PIEZO2: variants seen among roughly 807,000 people sequenced by gnomAD.
The protein encoded by PIEZO2 is piezo type mechanosensitive ion channel component 2.
Under a neutral mutation model 337.3 loss-of-function variants are expected in PIEZO2, and 172 were observed. The observed-to-expected ratio is 0.51, with a 90% CI of 0.45 to 0.58. PIEZO2 has a LOEUF of 0.58. Ranked by LOEUF, PIEZO2 falls within the 20% of genes least tolerant of loss-of-function variation. The probability of loss-of-function intolerance (pLI) is 0.00; values close to 1 mark genes in which losing one functional copy is unlikely to be tolerated. For missense variants in PIEZO2, 3,028 were observed against 3,391.3 expected (o/e 0.89, Z 2.66); for synonymous variants, 1,251 against 1,228.5 (o/e 1.02, Z -0.38).
At chr18:11,085,160 CA>C (rs1359921698) in intron 1 of PIEZO2, among the ~76,000 whole-genome samples, 1 of 152,138 alleles carries the variant, frequency 6.6e-6, no homozygotes, top group African/African-American at 2.4e-5. Context: ...TATTTTGCCC[CA>C]AGTATTATCG....
intron 7 of PIEZO2, among the ~76,000 whole-genome samples, chr18:10,825,520 CTT>C (rs57046007): frequency 0.3 from 42,221 of 138,720 alleles, 6,421 homozygotes; most frequent in Middle Eastern, 0.36. Flanking sequence ...AGAAGTTGCT[CTT>C]TTTTTTTCCA....
chr18:10,742,758 C>T (rs2037273776), intron 31 of PIEZO2, 143 bp from the exon 32 acceptor site: 2 of 828,896 alleles, frequency 2.4e-6, no homozygotes, highest in African/African-American at 1.7e-5. Context: ...AAAATGGTTG[C>T]TCATTAGCAA....
intron 4 of PIEZO2, among the ~76,000 whole-genome samples, chr18:10,898,015 C>T (rs62085196): frequency 1.6e-4 from 24 of 152,278 alleles, no homozygotes; most frequent in Non-Finnish European, 2.4e-4. Flanking sequence ...ACATAAAATC[C>T]TGGCTTACAA....
Position 11,033,189 on chromosome 18 carries a change from C to G in PIEZO2, c.160+32938G>C, listed in dbSNP as rs936269026. On this transcript the variant is annotated intron_variant, in intron 2 of 55. Coordinates refer to ENST00000674853, the MANE Select transcript of PIEZO2 (RefSeq NM_001378183.1). The surrounding 1 kb of genome is among the most constrained non-coding windows in gnomAD (Gnocchi z 4.2). ...ACAACACACATGTGGGCACTGTTCT[C>G]TCCTTCATTTCACACATGAGGGGAC... is the stretch of plus-strand genomic sequence containing the variant. 6.6e-6 allele frequency among the ~76,000 whole-genome samples: 1 copy of G among 152,228 alleles called. No homozygotes were observed. The highest frequency in any genetic ancestry group is 1.5e-5 in the Non-Finnish European group (1 of 68,040).
chr18:10,875,924 T>C (rs1044975150), intron 4 of PIEZO2, among the ~76,000 whole-genome samples: 8 of 152,362 alleles, frequency 5.3e-5, no homozygotes, highest in African/African-American at 1.9e-4. Context: ...GAATCCAGAA[T>C]TGGGCTGCGA....
At chr18:11,089,691 CAG>C (rs944647861) in intron 1 of PIEZO2, among the ~76,000 whole-genome samples, 30 of 152,154 alleles carry the variant, frequency 2.0e-4, no homozygotes, top group Admixed American at 1.8e-3. Context: ...TGTTGACAGA[CAG>C]AGTGTCCATC....
Position 10,713,607 on chromosome 18 carries a change from T to G in PIEZO2, c.5423+1157A>C, listed in dbSNP as rs2035902209. 1.3e-5 allele frequency among the ~76,000 whole-genome samples: 2 copies of G among 152,138 alleles called. No homozygotes were observed. Among genetic ancestry groups the G allele is most frequent in the Non-Finnish European group, 1.5e-5 (1 of 68,012 alleles). On this transcript the variant is annotated intron_variant, in intron 39 of 55. Coordinates refer to ENST00000674853, the MANE Select transcript of PIEZO2 (RefSeq NM_001378183.1). The surrounding 1 kb of genome is among the most constrained non-coding windows in gnomAD (Gnocchi z 4.5). The stretch of plus-strand genomic sequence containing the variant: ...CTACTGTCCTCCCCAGGGCAAGCAT[T>G]TTAGGAGGGAATGGCCTTATCTCAG...
At chr18:10,751,372 C>T (rs1393875380) in intron 28 of PIEZO2, among the ~76,000 whole-genome samples, 1 of 152,192 alleles carries the variant, frequency 6.6e-6, no homozygotes, top group Non-Finnish European at 1.5e-5. Flanking sequence ...ATCAGACTGG[C>T]TTTAGAATGA....
Position 10,705,681 on chromosome 18 carries a change from T to C in PIEZO2, c.5654A>G (p.Glu1885Gly), listed in dbSNP as rs1223918970. 1 of 1,536,488 alleles carries C rather than the reference T, an allele frequency of 6.5e-7. No homozygotes were observed. ...CCCTGCCTCCTCCTCCTGCTCAGCC[T>C]CCACCTCCTCGATGGTCTCAGTGGT... ...QGTTETIEEV[E>G]AEQEEEAGST... The change falls in exon 41 of 56, where the codon GAG becomes GGG. Residue 1885 changes from glutamate (E) to glycine (G), a missense_variant. Around this residue, in one of 5 missense-constraint regions of PIEZO2, gnomAD observed 1,925 missense variants for 2,051.9 expected, o/e 0.94. Transcript: ENST00000674853.
At chr18:10,790,407 T>C (rs899346133) in intron 14 of PIEZO2, among the ~76,000 whole-genome samples, 3 of 152,176 alleles carry the variant, frequency 2.0e-5, no homozygotes, top group Admixed American at 6.6e-5. Context: ...CTTCAATCCA[T>C]TCTACAAATA....
At chr18:10,804,905 A>C (rs1263996352) in intron 8 of PIEZO2, among the ~76,000 whole-genome samples, 1 of 152,178 alleles carries the variant, frequency 6.6e-6, no homozygotes, top group Non-Finnish European at 1.5e-5. Context: ...AATAGAGCCC[A>C]CATGAAATGT....
At position 11,078,603 on chromosome 18, in the gene PIEZO2, G is replaced by C. The variant is rs1357385952; in HGVS notation, c.65-12381C>G. Among the ~76,000 whole-genome samples, 4 of 152,166 alleles carry C rather than the reference G, an allele frequency of 2.6e-5. No individual in the cohort carries two copies. The highest frequency in any genetic ancestry group is 9.7e-5 in the African/African-American group (4 of 41,434). On this transcript the variant is annotated intron_variant, in intron 1 of 55. Transcript: ENST00000674853. The surrounding 1 kb of genome is among the most constrained non-coding windows in gnomAD (Gnocchi z 5.3). ...TTGCTTTCAAATATTTCTGTTGCTA[G>C]AGAAGTAGACACACCTTTTATGGCA...
chr18:10,711,693 A>G (rs966223742), intron 39 of PIEZO2, among the ~76,000 whole-genome samples: 1 of 152,238 alleles, frequency 6.6e-6, no homozygotes, highest in Admixed American at 6.5e-5. Context: ...TACAAATCAC[A>G]TGATGGGGCA....
chr18:11,085,068 T>C (rs965944580), intron 1 of PIEZO2, among the ~76,000 whole-genome samples: 1 of 152,226 alleles, frequency 6.6e-6, no homozygotes, highest in Non-Finnish European at 1.5e-5. Flanking sequence ...CATGAATATA[T>C]TTGTTTCGTT....
chr18:10,705,275 G>A, intron 41 of PIEZO2, 61 bp downstream of exon 41: 9 of 1,444,260 alleles, frequency 6.2e-6, no homozygotes, highest in Non-Finnish European at 8.2e-6. Context: ...TACAGAATTA[G>A]GGCATTATGT....
At chr18:10,691,782 C>CACACATATATATATATATATATATAT in intron 47 of PIEZO2, among the ~76,000 whole-genome samples, 3 of 96,600 alleles carry the variant, frequency 3.1e-5, no homozygotes, top group African/African-American at 1.4e-4. Flanking sequence ...CACACACACA[C>CACACATATATATATATATATATATAT]ATATATATAT....
At position 11,002,812 on chromosome 18, in the gene PIEZO2, T is replaced by G. The variant is rs1208672077; in HGVS notation, c.161-23152A>C. On this transcript the variant is annotated intron_variant, in intron 2 of 55. Coordinates refer to ENST00000674853, the MANE Select transcript of PIEZO2 (RefSeq NM_001378183.1). This position sits in a 1 kb window ranked among gnomAD's most constrained non-coding sequence, Gnocchi z 4.3. ...AGCAGGCCACATTGGATAATCCAAT[T>G]TCAAGCACCCCAATAAAATGGCTTT... 6.6e-6 allele frequency among the ~76,000 whole-genome samples: 1 copy of G among 152,158 alleles called. No individual in the cohort carries two copies. Among genetic ancestry groups the G allele is most frequent in the Non-Finnish European group, 1.5e-5 (1 of 68,026 alleles).
intron 2 of PIEZO2, among the ~76,000 whole-genome samples, chr18:11,013,583 C>T (rs2035980382): frequency 6.6e-6 from 1 of 152,204 alleles, no homozygotes; most frequent in Admixed American, 6.5e-5. Flanking sequence ...ATACCAGAAA[C>T]ACATAAATTT....
intron 18 of PIEZO2, 126 bp from the exon 19 acceptor site, chr18:10,774,164 GTAACGCCC>G: frequency 4.6e-6 from 3 of 656,310 alleles, no homozygotes; most frequent in Non-Finnish European, 8.2e-6. Context: ...GCCTGTTGCA[GTAACGCCC>G]TAATGCCAAA....
Sources: gnomAD v4.1 joint callset for allele counts (sites outside exome capture counted in the v4.1 genomes callset) on GRCh38, gnomAD v4.1.1 for gene constraint, gnomAD v4.1.1 regional missense constraint, Gnocchi (gnomAD v3.1) non-coding constraint, MANE v1.5 for transcripts, NCBI Gene and HGNC (gene_info 2026-07-23, HGNC 2026-07-21) for gene names.